The following ZNF560 variants were observed in gnomAD, a reference collection of about 807,000 sequenced individuals.
ZNF560 encodes zinc finger protein 560.
ZNF560 carries 54 observed loss-of-function variants against 81.8 expected under a neutral mutation model. That is an observed-to-expected ratio of 0.66 (90% CI 0.53 to 0.83). The LOEUF is 0.83. Ranked by LOEUF, ZNF560 falls within the 40% of genes least tolerant of loss-of-function variation. The probability of loss-of-function intolerance (pLI) is 0.00; values close to 1 mark genes in which losing one functional copy is unlikely to be tolerated. For synonymous variants in ZNF560, 321 were observed against 317.9 expected, an observed-to-expected ratio of 1.01 and a Z score of -0.10; for missense variants, 940 against 932.4, an observed-to-expected ratio of 1.01 and a Z score of -0.11.
intron 2 of ZNF560, among the ~76,000 whole-genome samples, chr19:9,486,811 C>T (rs189589669): frequency 8.5e-5 from 13 of 152,176 alleles, no homozygotes; most frequent in African/African-American, 2.9e-4. Flanking sequence ...CTTCAAGCCT[C>T]CTTGCTTTGT....
chr19:9,497,072 T>C (rs756436429), intron 2 of ZNF560, among the ~76,000 whole-genome samples: 1 of 151,338 alleles, frequency 6.6e-6, no homozygotes, highest in African/African-American at 2.4e-5. Flanking sequence ...GCCAATATCA[T>C]GCCACCGCAC....
the ZNF560 span, among the ~76,000 whole-genome samples, chr19:9,458,679 A>G: frequency 6.6e-6 from 1 of 152,208 alleles, no homozygotes; most frequent in Non-Finnish European, 1.5e-5. Flanking sequence ...GACTGTAGGG[A>G]ATCAAATGGC....
the ZNF560 span, among the ~76,000 whole-genome samples, chr19:9,446,106 G>T: frequency 2.0e-5 from 3 of 152,074 alleles, no homozygotes; most frequent in Non-Finnish European, 4.4e-5. Context: ...CTCCATGTTG[G>T]TCATGATGTG....
Position 9,475,295 on chromosome 19 carries a change from T to C in ZNF560, c.19A>G (p.Asn7Asp). 3.7e-6 allele frequency: 6 copies of C among 1,613,908 alleles called. No homozygotes were observed. The highest frequency in any genetic ancestry group is 1.1e-5 in the South Asian group (1 of 91,044). The change falls in exon 3 of 10, where the codon AAT becomes GAT. Residue 7 changes from asparagine to aspartate, a missense_variant. Coordinates refer to ENST00000301480, the MANE Select transcript of ZNF560 (RefSeq NM_152476.3). ...CATTTTCTGCATACCTGATAACAAT[T>C]TGTCAGGCAGTAAGCCATCTTCCTT... MAYCLT[N>D]CYQYSVTFED...
chr19:9,488,762 G>A (rs2073424342), intron 2 of ZNF560, among the ~76,000 whole-genome samples: 1 of 152,162 alleles, frequency 6.6e-6, no homozygotes, highest in Admixed American at 6.5e-5. Flanking sequence ...GATATGGTTT[G>A]GATCTGTGTC....
intron 2 of ZNF560, among the ~76,000 whole-genome samples, chr19:9,494,392 G>A (rs1319505110): frequency 1.3e-5 from 2 of 152,104 alleles, no homozygotes; most frequent in African/African-American, 4.8e-5. Context: ...CATTCCTTAA[G>A]CATTTATCTT....
the ZNF560 span, among the ~76,000 whole-genome samples, chr19:9,454,680 G>A: frequency 1.7e-4 from 26 of 152,256 alleles, no homozygotes; most frequent in South Asian, 4.1e-4. Context: ...CCTGGTTTCC[G>A]ACTGAGGAAA....
At chr19:9,499,816 A>C (rs1379762756), upstream of ZNF560, among the ~76,000 whole-genome samples, 1 of 152,158 alleles carries the variant, frequency 6.6e-6, no homozygotes, top group Non-Finnish European at 1.5e-5. Flanking sequence ...TCTTGGGGTA[A>C]AGTTATTCCC....
At chr19:9,483,436 C>T (rs1483719949) in intron 2 of ZNF560, among the ~76,000 whole-genome samples, 1 of 151,614 alleles carries the variant, frequency 6.6e-6, no homozygotes, top group African/African-American at 2.4e-5. Flanking sequence ...GCAGCCACCC[C>T]ATCTGGGAAG....
the ZNF560 span, among the ~76,000 whole-genome samples, chr19:9,459,486 T>G: frequency 6.6e-6 from 1 of 152,042 alleles, no homozygotes; most frequent in South Asian, 2.1e-4. Flanking sequence ...AGCCCTACTA[T>G]GTTGGGGTGA....
At chr19:9,457,991 C>T in the ZNF560 span, among the ~76,000 whole-genome samples, 2 of 152,160 alleles carry the variant, frequency 1.3e-5, no homozygotes, top group Non-Finnish European at 2.9e-5. Context: ...ACTCAGCATT[C>T]ACCTACTGGT....
intron 2 of ZNF560, among the ~76,000 whole-genome samples, chr19:9,496,339 CAAAAACA>C (rs925951072): frequency 7.3e-5 from 11 of 150,740 alleles, no homozygotes; most frequent in Admixed American, 1.3e-4. Flanking sequence ...AAATGAATCT[CAAAAACA>C]AAAAACAAAA....
At chr19:9,483,534 TG>T (rs1304675614) in intron 2 of ZNF560, among the ~76,000 whole-genome samples, 3 of 131,392 alleles carry the variant, frequency 2.3e-5, no homozygotes, top group South Asian at 2.4e-4. Context: ...GGGAGGGGGG[TG>T]GGGGGTCAGC....
Position 9,467,079 on chromosome 19 carries a change from G to C in ZNF560, c.1868C>G (p.Thr623Ser). Residue 623 changes from threonine (T) to serine (S), a missense_variant, in exon 10 of 10, where the codon ACT becomes AGT. Thr to Ser is a moderately conservative substitution (Grantham distance 58, BLOSUM62 1). Transcript: ENST00000301480. ...SDLTKHLRRH[T>S]GDKPYEYKDC... ...CTTATATTCATAGGGCTTATCTCCA[G>C]TGTGTCTTCGTAAATGTTTAGTAAG... 1 of 1,613,970 alleles carries C rather than the reference G, an allele frequency of 6.2e-7. No individual in the cohort carries two copies. The highest frequency in any genetic ancestry group is 8.5e-7 in the Non-Finnish European group (1 of 1,180,024).
the ZNF560 span, among the ~76,000 whole-genome samples, chr19:9,457,998 T>C: frequency 6.6e-6 from 1 of 152,220 alleles, no homozygotes; most frequent in Non-Finnish European, 1.5e-5. Context: ...ATTCACCTAC[T>C]GGTGTTATTG....
intron 4 of ZNF560, 134 bp downstream of exon 4, chr19:9,474,065 A>G (rs2073162171): frequency 1.0e-6 from 1 of 984,498 alleles, no homozygotes; most frequent in Non-Finnish European, 1.6e-6. Flanking sequence ...AAACGACCAC[A>G]GTAATTAAGA....
intron 2 of ZNF560, among the ~76,000 whole-genome samples, chr19:9,486,559 G>C (rs1258063464): frequency 6.6e-6 from 1 of 151,740 alleles, no homozygotes; most frequent in Non-Finnish European, 1.5e-5. Context: ...GGCCAACATG[G>C]CAAAACCCTG....
chr19:9,457,775 T>C, the ZNF560 span, among the ~76,000 whole-genome samples: 1 of 152,236 alleles, frequency 6.6e-6, no homozygotes, highest in Non-Finnish European at 1.5e-5. Flanking sequence ...CTAGGGTATA[T>C]TAATTGGATA....
intron 2 of ZNF560, among the ~76,000 whole-genome samples, chr19:9,478,232 G>A (rs191966706): frequency 1.3e-5 from 2 of 152,212 alleles, no homozygotes; most frequent in Admixed American, 6.5e-5. Flanking sequence ...GGAGAGAATG[G>A]GATGACATAT....
Sources: gnomAD v4.1 joint callset for allele counts (sites outside exome capture counted in the v4.1 genomes callset) on GRCh38, gnomAD v4.1.1 for gene constraint, MANE v1.5 for transcripts, NCBI Gene and HGNC (gene_info 2026-07-23, HGNC 2026-07-21) for gene names.